BAG2: variants seen among roughly 807,000 people sequenced by gnomAD.
The protein encoded by BAG2 is BAG cochaperone 2, also known as BAG family molecular chaperone regulator 2.
BAG2 carries 8 observed loss-of-function variants against 16.4 expected under a neutral mutation model. The ratio of observed to expected loss-of-function variants is 0.49; its 90% confidence interval spans 0.29 to 0.88. BAG2 has a LOEUF of 0.88. Ranked by LOEUF, BAG2 falls within the 40% of genes least tolerant of loss-of-function variation. The pLI, the probability that BAG2 is intolerant of heterozygous loss-of-function variation, is 0.09. For missense variants in BAG2, 218 were observed against 248.9 expected (o/e 0.88, Z 0.84); for synonymous variants, 82 against 89.2 (o/e 0.92, Z 0.46).
Position 57,187,659 on chromosome 6 carries a change from C to A in BAG2, c.*3469C>A, listed in dbSNP as rs1163666280. 4 of 152,116 alleles carry A rather than the reference C, an allele frequency of 2.6e-5. No homozygotes were observed. Among genetic ancestry groups the A allele is most frequent in the Non-Finnish European group, 4.4e-5 (3 of 68,008 alleles). The allele number at this position is 152,116 out of a possible 1,614,324, so 9.4% of individuals were successfully genotyped here. A position where few individuals can be genotyped will look rare whatever the true frequency, so the allele number is the denominator to read the frequency against. On this transcript the variant is annotated 3_prime_UTR_variant, in exon 3 of 3. Transcript: ENST00000370693. ...AAAAGGGTCCAACACTAAGTTGGGA[C>A]ATTAGGTCCTAAGGCCAACTCCCTA...
intron 1 of BAG2, 122 bp from the exon 2 acceptor site, chr6:57,181,910 T>G (rs1593195319): frequency 1.3e-6 from 1 of 766,358 alleles, no homozygotes; most frequent in East Asian, 2.5e-5. Flanking sequence ...AAAGCAGAAA[T>G]GAAGAATTTT....
At position 57,189,670 on chromosome 6, in the gene BAG2, T is replaced by C. The variant is rs1441684336; in HGVS notation, c.*5480T>C. On this transcript the variant is annotated 3_prime_UTR_variant, in exon 3 of 3. Coordinates refer to ENST00000370693, the MANE Select transcript of BAG2 (RefSeq NM_004282.4). Reference sequence around the variant, plus strand: ...ATCTACGCTGTCAGATGAAAACTGCTTACTGCTTTTAAAAGATATAATAAA... The same window carrying C: ...ATCTACGCTGTCAGATGAAAACTGCCTACTGCTTTTAAAAGATATAATAAA... The C allele has an allele frequency of 6.6e-6, 1 of 152,634 alleles. No homozygotes were observed. The highest frequency in any genetic ancestry group is 2.4e-5 in the African/African-American group (1 of 41,436). 9.5% of individuals were successfully genotyped at this position (152,634 alleles called of 1,614,324 possible). A position where few individuals can be genotyped will look rare whatever the true frequency, so the allele number is the denominator to read the frequency against.
chr6:57,172,593 CG>C lies in BAG2; in HGVS notation c.-102del. On this transcript the variant is annotated 5_prime_UTR_variant, in exon 1 of 3. Transcript: ENST00000370693. The stretch of plus-strand genomic sequence containing the variant: ...GCCCCCGCGGGCGTCAGAGGGAGGG[CG>C]GGCGCCCGCGTGGTGACGGCGACGC... 1 of 963,930 alleles carries C rather than the reference CG, an allele frequency of 1.0e-6. No homozygotes were observed. The highest frequency in any genetic ancestry group is 1.4e-6 in the Non-Finnish European group (1 of 702,612). The allele number at this position is 963,930 out of a possible 1,614,324, so 59.7% of individuals were successfully genotyped here. A position where few individuals can be genotyped will look rare whatever the true frequency, so the allele number is the denominator to read the frequency against.
At chr6:57,183,726 A>G in intron 2 of BAG2, 52 bp from the exon 3 acceptor site, 2 of 1,426,684 alleles carry the variant, frequency 1.4e-6, no homozygotes, top group Non-Finnish European at 1.9e-6. Flanking sequence ...TCACAAACAA[A>G]TGCCTTAATG....
Position 57,185,832 on chromosome 6 carries a change from T to A in BAG2, c.*1642T>A, listed in dbSNP as rs924853109. The A allele has an allele frequency of 2.6e-5, 4 of 152,246 alleles. No individual in the cohort carries two copies. Among genetic ancestry groups the A allele is most frequent in the Admixed American group, 2.0e-4 (3 of 15,278 alleles). 9.4% of individuals were successfully genotyped at this position (152,246 alleles called of 1,614,324 possible). On this transcript the variant is annotated 3_prime_UTR_variant, in exon 3 of 3. Coordinates refer to ENST00000370693, the MANE Select transcript of BAG2 (RefSeq NM_004282.4). Reference sequence around the variant, plus strand: ...CGTAAATCCCTTCCACTCTGGGAAATACTACTGCTCCCTGCTTCCCATGGC... The same window carrying A: ...CGTAAATCCCTTCCACTCTGGGAAAAACTACTGCTCCCTGCTTCCCATGGC...
At chr6:57,182,402 A>G (rs1454849365) in intron 2 of BAG2, among the ~76,000 whole-genome samples, 1 of 152,024 alleles carries the variant, frequency 6.6e-6, no homozygotes, top group African/African-American at 2.4e-5. Flanking sequence ...GCTGGCCCCA[A>G]GCAGTAAGGC....
At chr6:57,173,491 G>A (rs1481394926) in intron 1 of BAG2, 2 of 985,086 alleles carry the variant, frequency 2.0e-6, no homozygotes, top group African/African-American at 3.5e-5. Flanking sequence ...CTACATAGAA[G>A]ACTAAGTGCT....
At position 57,184,918 on chromosome 6, in the gene BAG2, C is replaced by T. The variant is rs1483857917; in HGVS notation, c.*728C>T. The T allele has an allele frequency of 2.6e-5, 4 of 152,248 alleles. No individual in the cohort carries two copies. Among genetic ancestry groups the T allele is most frequent in the Admixed American group, 2.6e-4 (4 of 15,284 alleles). 9.4% of individuals were successfully genotyped at this position (152,248 alleles called of 1,614,324 possible). ...AAAAAGTTAGATGCTGATATAAAGTCTGCTTAATTGTCAACTTAATGAGCT... is the reference window on the plus strand; with the variant it reads ...AAAAAGTTAGATGCTGATATAAAGTTTGCTTAATTGTCAACTTAATGAGCT... On this transcript the variant is annotated 3_prime_UTR_variant, in exon 3 of 3. Coordinates refer to ENST00000370693, the MANE Select transcript of BAG2 (RefSeq NM_004282.4).
chr6:57,172,781 G>A lies in BAG2; in HGVS notation c.84G>A (p.Leu28=), dbSNP rs1376677269. Reference sequence around the variant, plus strand: ...CCATGGCTGACCGCTCCAGCCGCCTGCTGGAGAGCCTGGACCAGCTGGAGC... The same window carrying A: ...CCATGGCTGACCGCTCCAGCCGCCTACTGGAGAGCCTGGACCAGCTGGAGC... ...SSSMADRSSR[L]LESLDQLELR... is the part of the protein sequence containing the mutation. Residue 28 remains leucine, a synonymous_variant, in exon 1 of 3, where the codon CTG becomes CTA. Transcript: ENST00000370693. The A allele has an allele frequency of 6.4e-7, 1 of 1,571,508 alleles. No individual in the cohort carries two copies. Among genetic ancestry groups the A allele is most frequent in the South Asian group, 1.2e-5 (1 of 85,226 alleles).
At chr6:57,176,765 A>G (rs1412462036) in intron 1 of BAG2, among the ~76,000 whole-genome samples, 1 of 152,188 alleles carries the variant, frequency 6.6e-6, no homozygotes, top group African/African-American at 2.4e-5. Context: ...ACAAGATGGC[A>G]TCATAGTTAA....
rs1271436393 is a variant in BAG2 at position 57,188,997 on chromosome 6, A to G, written c.*4807A>G. 1 of 152,170 alleles carries G rather than the reference A, an allele frequency of 6.6e-6. No individual in the cohort carries two copies. Among genetic ancestry groups the G allele is most frequent in the Non-Finnish European group, 1.5e-5 (1 of 68,040 alleles). 9.4% of individuals were successfully genotyped at this position (152,170 alleles called of 1,614,324 possible). A position where few individuals can be genotyped will look rare whatever the true frequency, so the allele number is the denominator to read the frequency against. On this transcript the variant is annotated 3_prime_UTR_variant, in exon 3 of 3. Coordinates refer to ENST00000370693, the MANE Select transcript of BAG2 (RefSeq NM_004282.4). ...AAAAATGACTTCATGACATTTTCCA[A>G]TAAAAGTTATTTTTACAGATTTTGC...
chr6:57,184,791 C>G lies in BAG2; in HGVS notation c.*601C>G, dbSNP rs892920203. ...ACTGACATAAAATGTGAGAAAACCA[C>G]CTATAATTTACCACTGTGAACAATT... On this transcript the variant is annotated 3_prime_UTR_variant, in exon 3 of 3. Transcript: ENST00000370693. 3 of 152,606 alleles carry G rather than the reference C, an allele frequency of 2.0e-5. No homozygotes were observed. The highest frequency in any genetic ancestry group is 4.4e-5 in the Non-Finnish European group (3 of 68,014). The allele number at this position is 152,606 out of a possible 1,614,324, so 9.5% of individuals were successfully genotyped here. A position where few individuals can be genotyped will look rare whatever the true frequency, so the allele number is the denominator to read the frequency against.
At chr6:57,173,670 C>A in intron 1 of BAG2, 1 of 343,830 alleles carries the variant, frequency 2.9e-6, no homozygotes, top group Non-Finnish European at 4.1e-6. Context: ...TTCCTGTGAA[C>A]GTTTGTCTCA....
Position 57,184,282 on chromosome 6 carries a change from C to A in BAG2, c.*92C>A. Reference sequence around the variant, plus strand: ...ATAACTAGTTCTTTGTTAGGTATAACCACTTAGTTGACACTGATAGTTGTT... The same window carrying A: ...ATAACTAGTTCTTTGTTAGGTATAAACACTTAGTTGACACTGATAGTTGTT... On this transcript the variant is annotated 3_prime_UTR_variant, in exon 3 of 3. Coordinates refer to ENST00000370693, the MANE Select transcript of BAG2 (RefSeq NM_004282.4). 1 of 1,218,342 alleles carries A rather than the reference C, an allele frequency of 8.2e-7. No homozygotes were observed. The highest frequency in any genetic ancestry group is 1.1e-6 in the Non-Finnish European group (1 of 935,442). 75.5% of individuals were successfully genotyped at this position (1,218,342 alleles called of 1,614,324 possible).
intron 1 of BAG2, 33 bp downstream of exon 1, chr6:57,172,843 G>T: frequency 1.4e-6 from 2 of 1,432,778 alleles, no homozygotes; most frequent in Non-Finnish European, 1.8e-6. Flanking sequence ...CGGGCGTTCT[G>T]CTCGCCGCGC....
chr6:57,189,751 C>A lies in BAG2; in HGVS notation c.*5561C>A, dbSNP rs1448818336. 1 of 152,546 alleles carries A rather than the reference C, an allele frequency of 6.6e-6. No individual in the cohort carries two copies. Among genetic ancestry groups the A allele is most frequent in the African/African-American group, 2.4e-5 (1 of 41,414 alleles). 9.4% of individuals were successfully genotyped at this position (152,546 alleles called of 1,614,324 possible). On this transcript the variant is annotated 3_prime_UTR_variant, in exon 3 of 3. Transcript: ENST00000370693. ...AAAATTAGGTATGATATTTTTGGCA[C>A]AAAGCACTTTTTAAACCCAAGCTCA...
intron 2 of BAG2, among the ~76,000 whole-genome samples, chr6:57,182,713 C>T (rs1265013097): frequency 3.3e-5 from 5 of 151,974 alleles, no homozygotes; most frequent in African/African-American, 2.4e-5. Flanking sequence ...TGCAATGGCG[C>T]GATCTTGGCT....
chr6:57,182,929 G>A (rs1403410861), intron 2 of BAG2, among the ~76,000 whole-genome samples: 1 of 152,200 alleles, frequency 6.6e-6, no homozygotes, highest in African/African-American at 2.4e-5. Context: ...GGGATTACAG[G>A]CATGTGACAT....
At chr6:57,179,842 A>G (rs1764388077) in intron 1 of BAG2, among the ~76,000 whole-genome samples, 2 of 152,066 alleles carry the variant, frequency 1.3e-5, no homozygotes, top group African/African-American at 2.4e-5. Flanking sequence ...TAGTGCTTCT[A>G]TAGTTTGATC....
Sources: gnomAD v4.1 joint callset for allele counts (sites outside exome capture counted in the v4.1 genomes callset) on GRCh38, gnomAD v4.1.1 for gene constraint, MANE v1.5 for transcripts, NCBI Gene and HGNC (gene_info 2026-07-23, HGNC 2026-07-21) for gene names.